ARL11: variants seen among roughly 807,000 people sequenced by gnomAD.
The protein encoded by ARL11 is ARF like GTPase 11, also known as ADP-ribosylation factor-like protein 11.
For missense variants in ARL11, 239 were observed against 250.6 expected, an observed-to-expected ratio of 0.95 and a Z score of 0.31; for synonymous variants, 91 against 111.2, an observed-to-expected ratio of 0.82 and a Z score of 1.15.
At chr13:49,630,074 A>G (rs1964865967) in intron 1 of ARL11, 1 of 188,048 alleles carries the variant, frequency 5.3e-6, no homozygotes, top group Non-Finnish European at 1.1e-5. Flanking sequence ...CTGCTCAGGG[A>G]CCACTCTTAT....
In ARL11 at chr13:49,631,128, T is replaced by C; in HGVS notation, c.*90T>C. ...TACGCTTAGTCTATCAAACAAGAAA[T>C]GCTGGCTTGGCCCGGTGGCTCATGC... On this transcript the variant is annotated 3_prime_UTR_variant, in exon 2 of 2. Coordinates refer to ENST00000282026, the MANE Select transcript of ARL11 (RefSeq NM_138450.6). 1 of 1,303,884 alleles carries C rather than the reference T, an allele frequency of 7.7e-7. No homozygotes were observed. Among genetic ancestry groups the C allele is most frequent in the South Asian group, 1.5e-5 (1 of 67,112 alleles). The allele number at this position is 1,303,884 out of a possible 1,614,324, so 80.8% of individuals were successfully genotyped here. A position where few individuals can be genotyped will look rare whatever the true frequency, so the allele number is the denominator to read the frequency against.
In ARL11 at chr13:49,632,284, G is replaced by A. The variant is rs1964895979; in HGVS notation, c.*1246G>A. The A allele has an allele frequency of 6.0e-6, 1 of 166,880 alleles. No individual in the cohort carries two copies. Among genetic ancestry groups the A allele is most frequent in the African/African-American group, 2.4e-5 (1 of 41,376 alleles). 10.3% of individuals were successfully genotyped at this position (166,880 alleles called of 1,614,324 possible). A position where few individuals can be genotyped will look rare whatever the true frequency, so the allele number is the denominator to read the frequency against. ...TTTGTGGCAAAAACACTGAGCTTTC[G>A]AATATGAATCATGTGCTTTAGGTGG... On this transcript the variant is annotated 3_prime_UTR_variant, in exon 2 of 2. Coordinates refer to ENST00000282026, the MANE Select transcript of ARL11 (RefSeq NM_138450.6).
Position 49,633,126 on chromosome 13 carries a change from G to C in ARL11, c.*2088G>C, listed in dbSNP as rs576958871. On this transcript the variant is annotated 3_prime_UTR_variant, in exon 2 of 2. Transcript: ENST00000282026. ...GTGACCTCTTGTTGCTTGAGGCACA[G>C]AGTTATAAAGTAACATATCTGGAAT... is the stretch of plus-strand genomic sequence containing the variant. The C allele has an allele frequency of 3.9e-4, 65 of 166,848 alleles. No homozygotes were observed. The highest frequency in any genetic ancestry group is 1.5e-3 in the African/African-American group (64 of 41,572). 10.3% of individuals were successfully genotyped at this position (166,848 alleles called of 1,614,324 possible).
Position 49,630,479 on chromosome 13 carries a change from C to T in ARL11, c.32C>T (p.Ala11Val), listed in dbSNP as rs566163670. ...TCTGTGAATTCCAGAGGTCACAAGG[C>T]GGAAGCCCAGGTGGTGATGATGGGC... MGSVNSRGHKAEAQVVMMGLD... is the reference protein window; with the variant it reads MGSVNSRGHKVEAQVVMMGLD... Residue 11 changes from alanine (A) to valine (V), a missense_variant, in exon 2 of 2, where the codon GCG (alanine) becomes GTG (valine). Coordinates refer to ENST00000282026, the MANE Select transcript of ARL11 (RefSeq NM_138450.6). 25 of 1,613,194 alleles carry T rather than the reference C, an allele frequency of 1.5e-5. No homozygotes were observed. Among genetic ancestry groups the T allele is most frequent in the South Asian group, 6.6e-5 (6 of 91,014 alleles).
chr13:49,630,772 G>T lies in ARL11; in HGVS notation c.325G>T (p.Asp109Tyr). Reference protein sequence around the residue: ...SAAELTEVLNDPNMAGVPFLV... With the variant: ...SAAELTEVLNYPNMAGVPFLV... ...GGCTGAGCTCACAGAAGTCCTGAACGACCCCAACATGGCTGGCGTCCCCTT... is the reference window on the plus strand; with the variant it reads ...GGCTGAGCTCACAGAAGTCCTGAACTACCCCAACATGGCTGGCGTCCCCTT... Residue 109 changes from aspartate to tyrosine, a missense_variant, in exon 2 of 2, where the codon GAC becomes TAC. Physicochemically the swap from Asp to Tyr is radical, Grantham distance 160. Coordinates refer to ENST00000282026, the MANE Select transcript of ARL11 (RefSeq NM_138450.6). 6.2e-7 allele frequency: 1 copy of T among 1,613,748 alleles called. No homozygotes were observed. The highest frequency in any genetic ancestry group is 8.5e-7 in the Non-Finnish European group (1 of 1,179,748).
Position 49,631,887 on chromosome 13 carries a change from T to A in ARL11, c.*849T>A, listed in dbSNP as rs1463900409. ...CAAATATCATCTGGACATGTCACAA[T>A]GGATCGCGGATCCTTATGAGTGATT... is the stretch of plus-strand genomic sequence containing the variant. On this transcript the variant is annotated 3_prime_UTR_variant, in exon 2 of 2. Transcript: ENST00000282026. 1 of 166,946 alleles carries A rather than the reference T, an allele frequency of 6.0e-6. No homozygotes were observed. Among genetic ancestry groups the A allele is most frequent in the East Asian group, 1.9e-4 (1 of 5,184 alleles). 10.3% of individuals were successfully genotyped at this position (166,946 alleles called of 1,614,324 possible). A position where few individuals can be genotyped will look rare whatever the true frequency, so the allele number is the denominator to read the frequency against.
At position 49,630,702 on chromosome 13, in the gene ARL11, G is replaced by A. The variant is rs773042047; in HGVS notation, c.255G>A (p.Val85=). Residue 85 remains valine (V), a synonymous_variant, in exon 2 of 2, where the codon GTG becomes GTA. Transcript: ENST00000282026. ...ATCTGGAAGGCACAGATATCCTCGT[G>A]TACGTGCTGGACAGCACAGATGAAG... ...KDYLEGTDIL[V]YVLDSTDEAR... The A allele has an allele frequency of 6.2e-7, 1 of 1,614,160 alleles. No individual in the cohort carries two copies. Among genetic ancestry groups the A allele is most frequent in the Non-Finnish European group, 8.5e-7 (1 of 1,180,044 alleles).
Position 49,630,975 on chromosome 13 carries a change from C to A in ARL11, c.528C>A (p.Arg176=). ...GCCTGTGGAGCCTCCTGAAATCTCG[C>A]AGCTGCATGTGTCTGCAGGCGAGAG... ...LQSLWSLLKS[R]SCMCLQARAH... Residue 176 remains arginine, a synonymous_variant, in exon 2 of 2, where the codon CGC becomes CGA. Transcript: ENST00000282026. 6.2e-7 allele frequency: 1 copy of A among 1,610,432 alleles called. No homozygotes were observed. Among genetic ancestry groups the A allele is most frequent in the Non-Finnish European group, 8.5e-7 (1 of 1,178,260 alleles).
At chr13:49,630,158 A>T in intron 1 of ARL11, 1 of 327,538 alleles carries the variant, frequency 3.1e-6, no homozygotes. Flanking sequence ...ATCTGTTTAA[A>T]ATCTGACCCT....
chr13:49,629,693 C>T (rs995501459), intron 1 of ARL11, among the ~76,000 whole-genome samples: 3 of 152,190 alleles, frequency 2.0e-5, no homozygotes, highest in Admixed American at 6.5e-5. Flanking sequence ...AGACCATCCA[C>T]GTTTGTGTAA....
rs752737224 is a variant in ARL11, at chr13:49,630,859, A to G, written c.412A>G (p.Arg138Gly). The G allele has an allele frequency of 4.4e-6, 7 of 1,598,564 alleles. No homozygotes were observed. The highest frequency in any genetic ancestry group is 2.2e-5 in the East Asian group (1 of 44,602). Residue 138 changes from arginine (R) to glycine (G), a missense_variant, in exon 2 of 2, where the codon AGG (arginine) becomes GGG (glycine). Physicochemically the swap from Arg to Gly is moderately radical, Grantham distance 125. Transcript: ENST00000282026. ...DALPLLKIRN[R>G]LSLERFQDHC... Reference sequence around the variant, plus strand: ...ACTTCCGCTGCTTAAGATCAGAAACAGGCTGAGTCTAGAGAGATTCCAGGA... The same window carrying G: ...ACTTCCGCTGCTTAAGATCAGAAACGGGCTGAGTCTAGAGAGATTCCAGGA...
At position 49,633,342 on chromosome 13, in the gene ARL11, G is replaced by C. The variant is rs1347618043; in HGVS notation, c.*2304G>C. On this transcript the variant is annotated 3_prime_UTR_variant, in exon 2 of 2. Coordinates refer to ENST00000282026, the MANE Select transcript of ARL11 (RefSeq NM_138450.6). ...GTAAGTCAGTGTACTTGCAACAGAG[G>C]CTTGGGATGAAGGGTGGGTGAAGTT... is the stretch of plus-strand genomic sequence containing the variant. The C allele has an allele frequency of 6.0e-6, 1 of 167,096 alleles. No homozygotes were observed. Among genetic ancestry groups the C allele is most frequent in the Non-Finnish European group, 1.5e-5 (1 of 68,132 alleles). The allele number at this position is 167,096 out of a possible 1,614,324, so 10.4% of individuals were successfully genotyped here.
rs759566544 is a variant in ARL11 at position 49,630,773 on chromosome 13, A to G, written c.326A>G (p.Asp109Gly). 1.4e-5 allele frequency: 23 copies of G among 1,613,542 alleles called. No individual in the cohort carries two copies. The highest frequency in any genetic ancestry group is 1.7e-5 in the Non-Finnish European group (20 of 1,179,746). The part of the protein sequence containing the change: ...SAAELTEVLN[D>G]PNMAGVPFLV... ...GCTGAGCTCACAGAAGTCCTGAACG[A>G]CCCCAACATGGCTGGCGTCCCCTTC... Residue 109 changes from aspartate (D) to glycine (G), a missense_variant, in exon 2 of 2, where the codon GAC becomes GGC. Transcript: ENST00000282026.
At position 49,631,272 on chromosome 13, in the gene ARL11, G is replaced by A; in HGVS notation, c.*234G>A. 1 of 412,268 alleles carries A rather than the reference G, an allele frequency of 2.4e-6. No homozygotes were observed. Among genetic ancestry groups the A allele is most frequent in the Non-Finnish European group, 4.5e-6 (1 of 223,760 alleles). The allele number at this position is 412,268 out of a possible 1,614,324, so 25.5% of individuals were successfully genotyped here. ...ATCAAAAAATTGGCCGGGCATGGTG[G>A]CATGTGCCTGTAGTCCCAGCTACTT... On this transcript the variant is annotated 3_prime_UTR_variant, in exon 2 of 2. Transcript: ENST00000282026.
intron 1 of ARL11, chr13:49,629,886 A>G (rs1026559300): frequency 6.5e-6 from 1 of 153,032 alleles, no homozygotes; most frequent in African/African-American, 2.4e-5. Flanking sequence ...AACCCAGCTT[A>G]GCTTCCATTT....
At chr13:49,630,403 A>ATG in intron 1 of ARL11, 27 bp from the exon 2 acceptor site, 1 of 1,471,994 alleles carries the variant, frequency 6.8e-7, no homozygotes, top group South Asian at 1.2e-5. Context: ...ACAGTAGCTG[A>ATG]TGTGTGCCCT....
rs148445112 is a variant in ARL11, at chr13:49,633,099, G to T, written c.*2061G>T. On this transcript the variant is annotated 3_prime_UTR_variant, in exon 2 of 2. Transcript: ENST00000282026. Reference sequence around the variant, plus strand: ...AACTACAAACTGAGGCTCAGAGAAGGTGTGACCTCTTGTTGCTTGAGGCAC... The same window carrying T: ...AACTACAAACTGAGGCTCAGAGAAGTTGTGACCTCTTGTTGCTTGAGGCAC... 1.2e-5 allele frequency: 2 copies of T among 166,700 alleles called. No individual in the cohort carries two copies. Among genetic ancestry groups the T allele is most frequent in the Non-Finnish European group, 2.9e-5 (2 of 68,128 alleles). 10.3% of individuals were successfully genotyped at this position (166,700 alleles called of 1,614,324 possible).
In ARL11 at chr13:49,631,255, A is replaced by T. The variant is rs1308511993; in HGVS notation, c.*217A>T. 2.2e-6 allele frequency: 1 copy of T among 451,248 alleles called. No individual in the cohort carries two copies. Among genetic ancestry groups the T allele is most frequent in the Non-Finnish European group, 4.0e-6 (1 of 250,588 alleles). The allele number at this position is 451,248 out of a possible 1,614,324, so 28.0% of individuals were successfully genotyped here. ...CCCCATTTCTACTAATAATCAAAAA[A>T]TTGGCCGGGCATGGTGGCATGTGCC... On this transcript the variant is annotated 3_prime_UTR_variant, in exon 2 of 2. Transcript: ENST00000282026.
At position 49,629,228 on chromosome 13, in the gene ARL11, A is replaced by C. The variant is rs190596655; in HGVS notation, c.-19+613A>C. ...CAGTGAGCTGTGATCATGCCACTGCAGTCCAGCCTGGGCGACAGAGTGAGA... is the reference window on the plus strand; with the variant it reads ...CAGTGAGCTGTGATCATGCCACTGCCGTCCAGCCTGGGCGACAGAGTGAGA... On this transcript the variant is annotated intron_variant, in intron 1 of 1. Coordinates refer to ENST00000282026, the MANE Select transcript of ARL11 (RefSeq NM_138450.6). Among the ~76,000 whole-genome samples, 7 of 152,316 alleles carry C rather than the reference A, an allele frequency of 4.6e-5. No individual in the cohort carries two copies. In the East Asian group the frequency reaches 1.4e-3, roughly 29 times the overall value.
Sources: gnomAD v4.1 joint callset for allele counts (sites outside exome capture counted in the v4.1 genomes callset) on GRCh38, gnomAD v4.1.1 for gene constraint, MANE v1.5 for transcripts, NCBI Gene and HGNC (gene_info 2026-07-23, HGNC 2026-07-21) for gene names.